The following CDH12 variants were observed in gnomAD, a reference collection of about 807,000 sequenced individuals.
CDH12 encodes the protein cadherin 12.
CDH12 carries 41 observed loss-of-function variants against 74.1 expected under a neutral mutation model. That is an observed-to-expected ratio of 0.55 (90% confidence interval 0.43 to 0.72). The LOEUF (loss-of-function observed/expected upper bound fraction) is 0.72. CDH12 is among the 30% of genes least tolerant of loss of function. The pLI is 0.00. For missense variants in CDH12, 945 were observed against 977.2 expected, an observed-to-expected ratio of 0.97 and a Z score of 0.44; for synonymous variants, 399 against 355.0, an observed-to-expected ratio of 1.12 and a Z score of -1.39.
At chr5:22,323,684 A>C (rs911560383) in intron 3 of CDH12, among the ~76,000 whole-genome samples, 1 of 152,198 alleles carries the variant, frequency 6.6e-6, no homozygotes, top group African/African-American at 2.4e-5. Flanking sequence ...AAATGAGAGA[A>C]TGGTGAAACA....
intron 4 of CDH12, among the ~76,000 whole-genome samples, chr5:22,125,678 C>T (rs1745814797): frequency 6.6e-6 from 1 of 152,276 alleles, no homozygotes; most frequent in Non-Finnish European, 1.5e-5. Flanking sequence ...TGGCCTAGAC[C>T]TGAGGTTGCC....
chr5:21,886,604 A>G (rs1027535652), intron 6 of CDH12, among the ~76,000 whole-genome samples: 1 of 148,250 alleles, frequency 6.7e-6, no homozygotes, highest in African/African-American at 2.4e-5. Flanking sequence ...GGATATATAA[A>G]ACTCTTTGAG....
At chr5:21,810,421 C>G (rs1292449468) in intron 9 of CDH12, among the ~76,000 whole-genome samples, 1 of 152,004 alleles carries the variant, frequency 6.6e-6, no homozygotes, top group East Asian at 1.9e-4. Context: ...CCTTTGTGCC[C>G]TATTTGGCAA....
chr5:22,800,197 T>C (rs781363332), intron 1 of CDH12, among the ~76,000 whole-genome samples: 7 of 152,152 alleles, frequency 4.6e-5, no homozygotes, highest in Non-Finnish European at 8.8e-5. Context: ...TTTTGACTTG[T>C]ATATTTTCCT....
chr5:22,110,783 C>G (rs1244237075), intron 4 of CDH12, among the ~76,000 whole-genome samples: 2 of 152,114 alleles, frequency 1.3e-5, no homozygotes, highest in African/African-American at 4.8e-5. Flanking sequence ...ATTTCAGGCT[C>G]CTCTATCCTC....
intron 2 of CDH12, among the ~76,000 whole-genome samples, chr5:22,431,130 G>A (rs933768733): frequency 6.6e-6 from 1 of 152,120 alleles, no homozygotes; most frequent in South Asian, 2.1e-4. Context: ...CGTCATCCAA[G>A]TTAAATGGGA....
chr5:21,981,252 T>G (rs1248002058), intron 5 of CDH12, among the ~76,000 whole-genome samples: 6 of 144,980 alleles, frequency 4.1e-5, no homozygotes, highest in Non-Finnish European at 4.4e-5. Context: ...TTTCTAAATT[T>G]CAGTTCACTC....
chr5:22,639,487 C>T (rs1739029336), intron 1 of CDH12, among the ~76,000 whole-genome samples: 1 of 140,234 alleles, frequency 7.1e-6, no homozygotes, highest in Non-Finnish European at 1.5e-5. Context: ...TCTTTATCTG[C>T]AATTGGCCGT....
At chr5:22,248,484 C>T (rs1429385247) in intron 3 of CDH12, among the ~76,000 whole-genome samples, 1 of 152,124 alleles carries the variant, frequency 6.6e-6, no homozygotes. Context: ...AACATCTGTA[C>T]TCCTTTCTTG....
At chr5:22,829,483 T>C (rs1382128512) in intron 1 of CDH12, among the ~76,000 whole-genome samples, 1 of 152,148 alleles carries the variant, frequency 6.6e-6, no homozygotes, top group Non-Finnish European at 1.5e-5. Flanking sequence ...TTTCATCCAT[T>C]GTGTGAAAAT....
intron 1 of CDH12, among the ~76,000 whole-genome samples, chr5:22,827,457 C>T (rs1736395214): frequency 6.6e-6 from 1 of 151,982 alleles, no homozygotes; most frequent in South Asian, 2.1e-4. Context: ...TCATGGAGAA[C>T]CTCTGCTAGG....
chr5:22,826,139 T>C (rs1736312074), intron 1 of CDH12, among the ~76,000 whole-genome samples: 1 of 152,220 alleles, frequency 6.6e-6, no homozygotes, highest in African/African-American at 2.4e-5. Context: ...GGGACAGACA[T>C]GGTGGAAGAT....
chr5:22,722,525 A>G (rs1050124109), intron 1 of CDH12, among the ~76,000 whole-genome samples: 5 of 152,248 alleles, frequency 3.3e-5, no homozygotes, highest in African/African-American at 9.6e-5. Flanking sequence ...TAAAATGTGC[A>G]TAATGATATA....
intron 6 of CDH12, among the ~76,000 whole-genome samples, chr5:21,904,517 C>T (rs929641827): frequency 3.3e-5 from 5 of 152,148 alleles, no homozygotes; most frequent in Non-Finnish European, 2.9e-5. Context: ...GTCTGTAATC[C>T]CAGCACTTTG....
At chr5:22,343,908 G>GGGT in intron 3 of CDH12, among the ~76,000 whole-genome samples, 1 of 152,294 alleles carries the variant, frequency 6.6e-6, no homozygotes, top group Non-Finnish European at 1.5e-5. Flanking sequence ...ATATGTTGTA[G>GGGT]ATACATTTTC....
intron 1 of CDH12, among the ~76,000 whole-genome samples, chr5:22,516,921 GAC>G (rs1387220971): frequency 1.3e-5 from 2 of 151,698 alleles, no homozygotes; most frequent in East Asian, 3.9e-4. Flanking sequence ...AAAATGAATG[GAC>G]AAAAAATACC....
chr5:22,293,847 G>T lies in CDH12; in HGVS notation c.-332-81204C>A, dbSNP rs945867419. On this transcript the variant is annotated intron_variant, in intron 3 of 14. Coordinates refer to ENST00000382254, the MANE Select transcript of CDH12 (RefSeq NM_004061.5). ...GCTACCAGAGGCTACGGTGGTTGGG[G>T]GTTAAGGTGGTGTTGGCGAAAGGAT... Among the ~76,000 whole-genome samples, 11 of 152,158 alleles carry T rather than the reference G, an allele frequency of 7.2e-5. No individual in the cohort carries two copies. In the East Asian group the frequency reaches 2.1e-3, roughly 30 times the overall value.
At chr5:22,302,750 AAG>A (rs542279542) in intron 3 of CDH12, among the ~76,000 whole-genome samples, 7 of 152,146 alleles carry the variant, frequency 4.6e-5, no homozygotes, top group African/African-American at 7.2e-5. Context: ...ATTTTGGAAA[AAG>A]AGTAAAATGA....
chr5:22,672,154 A>G (rs148408951), intron 1 of CDH12, among the ~76,000 whole-genome samples: 144 of 141,762 alleles, frequency 1.0e-3, no homozygotes, highest in Admixed American at 2.7e-3. Flanking sequence ...TTTATTATAT[A>G]TATTATATAT....
Sources: allele counts gnomAD v4.1 joint callset (sites outside exome capture counted in the v4.1 genomes callset), GRCh38; gene constraint gnomAD v4.1.1; transcripts MANE v1.5; gene names NCBI Gene and HGNC (gene_info 2026-07-23, HGNC 2026-07-21).